Variants in EGLN1 observed in about 807,000 individuals in gnomAD.
EGLN1 encodes egl-9 family hypoxia inducible factor 1.
In EGLN1, 17 loss-of-function variants were observed where a neutral mutation model predicts 38.3. The ratio of observed to expected loss-of-function variants is 0.44; its 90% CI spans 0.30 to 0.67. The LOEUF is 0.67. EGLN1 is among the 30% of genes least tolerant of loss of function. EGLN1 has a pLI of 0.08. For missense variants in EGLN1, 477 were observed against 603.3 expected (o/e 0.79, Z 2.19); for synonymous variants, 283 against 257.5 (o/e 1.10, Z -0.95).
At chr1:231,401,109 G>A (rs1688653726) in intron 1 of EGLN1, among the ~76,000 whole-genome samples, 1 of 152,044 alleles carries the variant, frequency 6.6e-6, no homozygotes, top group African/African-American at 2.4e-5. Flanking sequence ...GATCAAGTAG[G>A]AGACCTGAAA....
At chr1:231,407,299 TC>T (rs1688824642) in intron 1 of EGLN1, among the ~76,000 whole-genome samples, 1 of 152,168 alleles carries the variant, frequency 6.6e-6, no homozygotes. Flanking sequence ...AAAGGTTTTC[TC>T]ATCATAAAAG....
In EGLN1 at chr1:231,396,402, C is replaced by T. The variant is rs536404851; in HGVS notation, c.892-22303G>A. Among the ~76,000 whole-genome samples the T allele has an allele frequency of 7.0e-4, 107 of 152,068 alleles. 1 individual carries two copies. The Middle Eastern group carries it at 0.014, about 19-fold the overall frequency. On this transcript the variant is annotated intron_variant, in intron 1 of 4. Coordinates refer to ENST00000366641, the MANE Select transcript of EGLN1 (RefSeq NM_022051.3). The stretch of plus-strand genomic sequence containing the variant: ...CCAAGCAGCTGGGACCACAGGCACG[C>T]GCCACCAAGCCCAGCTAATTTTTGT...
At chr1:231,393,247 G>A (rs139618106) in intron 1 of EGLN1, among the ~76,000 whole-genome samples, 257 of 152,304 alleles carry the variant, frequency 1.7e-3, no homozygotes, top group African/African-American at 5.8e-3. Context: ...CCATAGGTAA[G>A]GACCAATACA....
chr1:231,384,803 A>G (rs972612093), intron 1 of EGLN1, among the ~76,000 whole-genome samples: 1 of 152,252 alleles, frequency 6.6e-6, no homozygotes, highest in Non-Finnish European at 1.5e-5. Flanking sequence ...TTGGAATGCA[A>G]CCACATTCAT....
intron 1 of EGLN1, among the ~76,000 whole-genome samples, chr1:231,385,409 T>C (rs748549576): frequency 9.9e-5 from 15 of 152,108 alleles, no homozygotes; most frequent in Non-Finnish European, 1.9e-4. Context: ...AAGGTTGGGA[T>C]CAGGAAGGAC....
At chr1:231,418,083 CT>C (rs1237093935) in intron 1 of EGLN1, among the ~76,000 whole-genome samples, 3 of 143,332 alleles carry the variant, frequency 2.1e-5, no homozygotes, top group African/African-American at 7.9e-5. Context: ...CTGCATATAA[CT>C]TTTAAAATCA....
At chr1:231,392,215 A>G (rs1273655657) in intron 1 of EGLN1, among the ~76,000 whole-genome samples, 1 of 152,148 alleles carries the variant, frequency 6.6e-6, no homozygotes. Flanking sequence ...TGAACCTGGG[A>G]GGTGGAGCTT....
intron 1 of EGLN1, among the ~76,000 whole-genome samples, chr1:231,404,255 A>G (rs1415164211): frequency 6.6e-6 from 1 of 152,192 alleles, no homozygotes; most frequent in Non-Finnish European, 1.5e-5. Context: ...ATTTGACAGC[A>G]CAGACACCAA....
intron 1 of EGLN1, among the ~76,000 whole-genome samples, chr1:231,401,736 AT>A (rs1359154557): frequency 6.6e-6 from 1 of 152,178 alleles, no homozygotes; most frequent in African/African-American, 2.4e-5. Context: ...GATGATGGAC[AT>A]TTGGGTTGTT....
chr1:231,414,164 A>G (rs1197696957), intron 1 of EGLN1, among the ~76,000 whole-genome samples: 1 of 152,210 alleles, frequency 6.6e-6, no homozygotes, highest in East Asian at 1.9e-4. Context: ...AGTCACAGAC[A>G]ATGTTCCAAG....
intron 1 of EGLN1, among the ~76,000 whole-genome samples, chr1:231,417,527 G>A (rs1371411999): frequency 6.6e-6 from 1 of 152,038 alleles, no homozygotes; most frequent in Admixed American, 6.6e-5. Context: ...CAAAACAGCA[G>A]ACCATGGTTT....
At chr1:231,417,902 G>A (rs1242152969) in intron 1 of EGLN1, among the ~76,000 whole-genome samples, 1 of 152,108 alleles carries the variant, frequency 6.6e-6, no homozygotes, top group African/African-American at 2.4e-5. Flanking sequence ...AAATAAAAAA[G>A]AACATCAGAT....
chr1:231,393,433 C>A (rs1402034624), intron 1 of EGLN1, among the ~76,000 whole-genome samples: 1 of 152,174 alleles, frequency 6.6e-6, no homozygotes, highest in Non-Finnish European at 1.5e-5. Context: ...AGTTCCTAAT[C>A]TTGTTTCTAA....
At chr1:231,373,183 T>C (rs961379425) in intron 2 of EGLN1, among the ~76,000 whole-genome samples, 4 of 152,200 alleles carry the variant, frequency 2.6e-5, no homozygotes, top group African/African-American at 7.2e-5. Context: ...TTTACAGGGC[T>C]TGTCAGTACT....
rs560522489 is a variant in EGLN1, at chr1:231,410,465, T to C, written c.891+10533A>G. On this transcript the variant is annotated intron_variant, in intron 1 of 4. Coordinates refer to ENST00000366641, the MANE Select transcript of EGLN1 (RefSeq NM_022051.3). ...TGTCCTGACTGCAGCCTGTGAGAAA[T>C]AGTGAGGCAGAAGATGTAGCTAGAC... Among the ~76,000 whole-genome samples the C allele has an allele frequency of 2.6e-5, 4 of 152,154 alleles. No homozygotes were observed. The South Asian group carries it at 8.3e-4, about 32-fold the overall frequency.
intron 1 of EGLN1, among the ~76,000 whole-genome samples, chr1:231,408,515 TG>T (rs1335798115): frequency 1.3e-5 from 2 of 152,140 alleles, no homozygotes; most frequent in Non-Finnish European, 2.9e-5. Context: ...AGGATGCATA[TG>T]GGTAGTACAT....
chr1:231,387,398 C>CT (rs1459345398), intron 1 of EGLN1, among the ~76,000 whole-genome samples: 4 of 144,044 alleles, frequency 2.8e-5, no homozygotes, highest in African/African-American at 1.0e-4. Flanking sequence ...CTCGCTCTGT[C>CT]GCCCAGGCTG....
At chr1:231,415,996 G>T (rs57636381) in intron 1 of EGLN1, among the ~76,000 whole-genome samples, 1,829 of 152,092 alleles carry the variant, frequency 0.012, 42 homozygotes, top group African/African-American at 0.042. Flanking sequence ...TAAAAGGCAT[G>T]CAACACTACA....
intron 1 of EGLN1, among the ~76,000 whole-genome samples, chr1:231,402,155 G>T (rs1473813851): frequency 6.6e-6 from 1 of 151,740 alleles, no homozygotes; most frequent in Non-Finnish European, 1.5e-5. Context: ...TTTTCTTTTG[G>T]GTTGTTTCTC....
Sources: allele counts gnomAD v4.1 joint callset (sites outside exome capture counted in the v4.1 genomes callset), GRCh38; gene constraint gnomAD v4.1.1; transcripts MANE v1.5; gene names NCBI Gene and HGNC (gene_info 2026-07-23, HGNC 2026-07-21).